LAMA5: variants seen among roughly 807,000 people sequenced by gnomAD.
LAMA5 encodes laminin subunit alpha-5.
LAMA5 carries 260 observed loss-of-function variants against 433.4 expected under a neutral mutation model. That is an observed-to-expected ratio of 0.60 (90% CI 0.54 to 0.66). The LOEUF is 0.66. LAMA5 is among the 30% of genes least tolerant of loss of function. The pLI, the probability that LAMA5 is intolerant of heterozygous loss-of-function variation, is 0.00. For missense variants in LAMA5, 5,378 were observed against 5,258.5 expected (o/e 1.02, Z -0.70); for synonymous variants, 2,620 against 2,226.6 (o/e 1.18, Z -4.97).
chr20:62,325,348 A>G lies in LAMA5; in HGVS notation c.5497T>C (p.Cys1833Arg), dbSNP rs1979098516. The change falls in exon 41 of 80, where the codon TGC becomes CGC. Residue 1833 changes from cysteine to arginine, a missense_variant. By Grantham distance (180) the Cys-to-Arg change is radical. Transcript: ENST00000252999. ...ALASNVELCL[C>R]PASYRGDSCQ... ...GAGTCCCCCCGGTAGCTGGCGGGGC[A>G]CAGGCACAGCTCCACATTGCTGGCC... 6.2e-7 allele frequency: 1 copy of G among 1,600,200 alleles called. No homozygotes were observed. The highest frequency in any genetic ancestry group is 1.7e-5 in the Admixed American group (1 of 58,966).
intron 70 of LAMA5, 24 bp from the exon 71 acceptor site, chr20:62,311,808 T>A (rs1986303861): frequency 6.4e-7 from 1 of 1,559,328 alleles, no homozygotes. Context: ...GGCCGGAGGC[T>A]CGGTTTTTCC....
At chr20:62,336,537 G>A (rs1981664457) in intron 17 of LAMA5, 92 bp from the exon 18 acceptor site, 2 of 1,240,250 alleles carry the variant, frequency 1.6e-6, no homozygotes, top group Non-Finnish European at 1.2e-6. Context: ...GGGGTGGTGA[G>A]GGCTGAGGGC....
intron 32 of LAMA5, 128 bp downstream of exon 32, chr20:62,329,649 T>C (rs1979980485): frequency 8.2e-7 from 1 of 1,217,892 alleles, no homozygotes; most frequent in South Asian, 1.5e-5. Flanking sequence ...AGGCAGGAGC[T>C]GCTTTGCTGG....
rs756617998 is a variant in LAMA5, at chr20:62,311,543, A to G, written c.9807-7T>C. On this transcript the variant is annotated splice_region_variant and splice_polypyrimidine_tract_variant and intron_variant, in intron 71 of 79. Transcript: ENST00000252999. ...GCGCTGTGGGCCCAGGAGCCTGTGC[A>G]GGGCGGGCAGGCGGTCAGCAGCTGC... 2.5e-6 allele frequency: 4 copies of G among 1,609,522 alleles called. No individual in the cohort carries two copies. Among genetic ancestry groups the G allele is most frequent in the South Asian group, 1.1e-5 (1 of 90,844 alleles).
rs373711091 is a variant in LAMA5, at chr20:62,314,643, G to A, written c.8279C>T (p.Thr2760Ile). The A allele has an allele frequency of 3.1e-6, 5 of 1,612,530 alleles. No individual in the cohort carries two copies. In the African/African-American group the frequency reaches 5.3e-5, roughly 17 times the overall value. Reference protein sequence around the residue: ...PRDLADLAAYTALKFYLQGPE... With the variant: ...PRDLADLAAYIALKFYLQGPE... ...GCCCTGCAGGTAGAACTTGAGGGCA[G>A]TGTAGGCAGCAAGGTCGGCAAGATC... The change falls in exon 61 of 80, where the codon ACT becomes ATT. Residue 2760 changes from threonine to isoleucine, a missense_variant. By Grantham distance (89) the Thr-to-Ile change is moderately conservative. Coordinates refer to ENST00000252999, the MANE Select transcript of LAMA5 (RefSeq NM_005560.6).
At position 62,320,533 on chromosome 20, in the gene LAMA5, G is replaced by T. The variant is rs773099084; in HGVS notation, c.6759+26C>A. 14 of 1,546,844 alleles carry T rather than the reference G, an allele frequency of 9.1e-6. No homozygotes were observed. The Admixed American group carries it at 2.6e-4, about 29-fold the overall frequency. ...GGAACACAGGTGAAAGCCTCCCGGG[G>T]CCCTGGGGGGTCTTGGGGCTCCTGC... On this transcript the variant is annotated intron_variant, in intron 50 of 79. Transcript: ENST00000252999.
rs570865133 is a variant in LAMA5 at position 62,309,516 on chromosome 20, C to G, written c.10949-41G>C. 4 of 1,506,564 alleles carry G rather than the reference C, an allele frequency of 2.7e-6. No individual in the cohort carries two copies. The South Asian group carries it at 5.0e-5, about 19-fold the overall frequency. 93.3% of individuals were successfully genotyped at this position (1,506,564 alleles called of 1,614,324 possible). ...AGATGGAAGAAGGCTGGTTGGTGGGCAGCTAGAGACCCACAGGCCCTTCCC... is the reference window on the plus strand; with the variant it reads ...AGATGGAAGAAGGCTGGTTGGTGGGGAGCTAGAGACCCACAGGCCCTTCCC... On this transcript the variant is annotated intron_variant, in intron 79 of 79. Transcript: ENST00000252999.
At position 62,318,466 on chromosome 20, in the gene LAMA5, C is replaced by T. The variant is rs773093213; in HGVS notation, c.7227G>A (p.Leu2409=). The T allele has an allele frequency of 3.1e-6, 5 of 1,601,810 alleles. No homozygotes were observed. In the South Asian group the frequency reaches 3.3e-5, roughly 11 times the overall value. Reference sequence around the variant, plus strand: ...CCGGGGTCCTCACCAGGGCTTCCTCCAGGCGCTCCTGGTTGCGGCTGTTGA... The same window carrying T: ...CCGGGGTCCTCACCAGGGCTTCCTCTAGGCGCTCCTGGTTGCGGCTGTTGA... ...QELNSRNQER[L]EEALQRKQEL... The change falls in exon 53 of 80, where the codon CTG becomes CTA. Residue 2409 remains leucine, a synonymous_variant. Coordinates refer to ENST00000252999, the MANE Select transcript of LAMA5 (RefSeq NM_005560.6).
Position 62,312,506 on chromosome 20 carries a change from C to T in LAMA5, c.9254G>A (p.Gly3085Asp), listed in dbSNP as rs147193517. Residue 3085 changes from glycine to aspartate, a missense_variant, in exon 68 of 80, where the codon GGC (glycine) becomes GAC (aspartate). Transcript: ENST00000252999. ...GCCTTTGACGCAGCCACGGACTGAG[C>T]CTCCGGTGGGGAAGAGCCGTCGCAG... ...PSLRRLFPTG[G>D]SVRGCVKGIK... 1 of 1,598,794 alleles carries T rather than the reference C, an allele frequency of 6.3e-7. No homozygotes were observed. Among genetic ancestry groups the T allele is most frequent in the African/African-American group, 1.3e-5 (1 of 74,914 alleles).
At position 62,318,858 on chromosome 20, in the gene LAMA5, C is replaced by T; in HGVS notation, c.7027G>A (p.Ala2343Thr). 1.2e-6 allele frequency: 2 copies of T among 1,610,180 alleles called. No homozygotes were observed. Among genetic ancestry groups the T allele is most frequent in the South Asian group, 2.2e-5 (2 of 90,984 alleles). ...CACCACTCACATCTCTGTGCTGCAG[C>T]CAACTCAGCCTCAGCTGCTGCCTGC... is the stretch of plus-strand genomic sequence containing the variant. ...APQAAAEAEL[A>T]AAQRLLARVQ... The change falls in exon 52 of 80, where the codon GCT becomes ACT. Residue 2343 changes from alanine (A) to threonine (T), a missense_variant. Physicochemically the swap from Ala to Thr is moderately conservative, Grantham distance 58. Coordinates refer to ENST00000252999, the MANE Select transcript of LAMA5 (RefSeq NM_005560.6).
rs904577742 is a variant in LAMA5, at chr20:62,311,444, G to A, written c.9899C>T (p.Thr3300Ile). ...CAGTCCTCTAGGCCCCAGGCCCGGG[G>A]TCTGGGCTTGCAGGGCGGGTGCACA... is the stretch of plus-strand genomic sequence containing the variant. The part of the protein sequence containing the change: ...TGCAPALQAQ[T>I]PGLGPRGLQA... The change falls in exon 72 of 80, where the codon ACC becomes ATC. Residue 3300 changes from threonine to isoleucine, a missense_variant. Transcript: ENST00000252999. 17 of 1,601,622 alleles carry A rather than the reference G, an allele frequency of 1.1e-5. No homozygotes were observed. Among genetic ancestry groups the A allele is most frequent in the Non-Finnish European group, 1.4e-5 (17 of 1,174,606 alleles).
intron 11 of LAMA5, chr20:62,342,238 G>A (rs4925380): frequency 0.59 from 172,871 of 292,848 alleles, 56,374 homozygotes; most frequent in East Asian, 0.75. Context: ...AGGAGGCAGA[G>A]GTTGAAGTGA....
chr20:62,341,292 A>T (rs765591213), intron 11 of LAMA5, among the ~76,000 whole-genome samples: 18 of 151,962 alleles, frequency 1.2e-4, no homozygotes, highest in South Asian at 4.1e-4. Flanking sequence ...TAGACTATTT[A>T]AAAAAAACAC....
rs771654411 is a variant in LAMA5 at position 62,322,096 on chromosome 20, T to C, written c.6419A>G (p.Glu2140Gly). The C allele has an allele frequency of 2.8e-5, 45 of 1,601,672 alleles. No homozygotes were observed. Among genetic ancestry groups the C allele is most frequent in the Admixed American group, 1.0e-4 (6 of 59,836 alleles). Residue 2140 changes from glutamate to glycine, a missense_variant, in exon 48 of 80, where the codon GAG becomes GGG. By Grantham distance (98) the Glu-to-Gly change is moderately conservative. Transcript: ENST00000252999. ...CTGCTGGCTGCAGGTGTCGCAGCGC[T>C]CCCCGCTGAGCCCCGGGGGGCAGTT... ...RCNCPPGLSG[E>G]RCDTCSQQHQ...
intron 48 of LAMA5, 124 bp from the exon 49 acceptor site, chr20:62,321,014 G>A (rs1428219091): frequency 1.9e-6 from 2 of 1,059,812 alleles, no homozygotes; most frequent in African/African-American, 1.6e-5. Context: ...TCAGCTTAGG[G>A]ACACAGGACC....
At position 62,335,142 on chromosome 20, in the gene LAMA5, G is replaced by C. The variant is rs1446740460; in HGVS notation, c.2377-16C>G. The C allele has an allele frequency of 6.2e-7, 1 of 1,612,756 alleles. No individual in the cohort carries two copies. The highest frequency in any genetic ancestry group is 1.7e-5 in the Admixed American group (1 of 59,962). ...GGCCGGTGCCCTGGGGGCCAAGGGAGGAGGTGAAGTGGGGCAGGGGAGGGT... is the reference window on the plus strand; with the variant it reads ...GGCCGGTGCCCTGGGGGCCAAGGGACGAGGTGAAGTGGGGCAGGGGAGGGT... On this transcript the variant is annotated splice_polypyrimidine_tract_variant and intron_variant, in intron 19 of 79. Transcript: ENST00000252999.
In LAMA5 at chr20:62,316,771, C is replaced by T. The variant is rs117627107; in HGVS notation, c.7656G>A (p.Thr2552=). ...ALQQADHTWA[T]VVRQGLVDRA... is the part of the protein sequence containing the mutation. ...GGTCCACCAGGCCCTGCCGCACCACCGTCTGTGGATGCCAGGGCAGACCGT... is the reference window on the plus strand; with the variant it reads ...GGTCCACCAGGCCCTGCCGCACCACTGTCTGTGGATGCCAGGGCAGACCGT... The change falls in exon 57 of 80, where the codon ACG becomes ACA. Residue 2552 remains threonine, a splice_region_variant and synonymous_variant. Transcript: ENST00000252999. 3.7e-5 allele frequency: 59 copies of T among 1,603,332 alleles called. No homozygotes were observed. The highest frequency in any genetic ancestry group is 1.2e-4 in the Admixed American group (7 of 59,324).
chr20:62,324,555 C>A lies in LAMA5; in HGVS notation c.5530-1G>T. On this transcript the variant is annotated splice_acceptor_variant, in intron 41 of 79. Coordinates refer to ENST00000252999, the MANE Select transcript of LAMA5 (RefSeq NM_005560.6). LOFTEE classifies it high-confidence loss of function. This position sits in a 1 kb window ranked among gnomAD's most constrained non-coding sequence, Gnocchi z 4.4. The stretch of plus-strand genomic sequence containing the variant: ...CCCGATAGAAGCCGGGGGCACATTC[C>A]TGAGGGTGTACGGGGGCAGGTGGCA... 1 of 1,607,896 alleles carries A rather than the reference C, an allele frequency of 6.2e-7. No individual in the cohort carries two copies. Among genetic ancestry groups the A allele is most frequent in the East Asian group, 2.2e-5 (1 of 44,768 alleles).
At chr20:62,340,096 C>T (rs957961300) in intron 11 of LAMA5, among the ~76,000 whole-genome samples, 2 of 152,040 alleles carry the variant, frequency 1.3e-5, no homozygotes, top group South Asian at 2.1e-4. Context: ...ACCCAACGGG[C>T]AGCAGAAACG....
Sources: allele counts gnomAD v4.1 joint callset (sites outside exome capture counted in the v4.1 genomes callset), GRCh38; gene constraint gnomAD v4.1.1; non-coding constraint Gnocchi (gnomAD v3.1); transcripts MANE v1.5; gene names NCBI Gene and HGNC (gene_info 2026-07-23, HGNC 2026-07-21).